Variants in QSOX2 observed in about 807,000 individuals in gnomAD.
The protein encoded by QSOX2 is sulfhydryl oxidase 2.
In QSOX2, 46 loss-of-function variants were observed where a neutral mutation model predicts 61.7. The observed-to-expected ratio is 0.75, with a 90% CI of 0.59 to 0.95. The LOEUF (loss-of-function observed/expected upper bound fraction) is 0.95. Among genes scored for constraint, QSOX2 ranks in the 40% least tolerant of loss-of-function variants. The probability of loss-of-function intolerance (pLI) is 0.00; values close to 1 mark genes in which losing one functional copy is unlikely to be tolerated. For synonymous variants in QSOX2, 383 were observed against 388.4 expected, an observed-to-expected ratio of 0.99 and a Z score of 0.16; for missense variants, 879 against 918.9, an observed-to-expected ratio of 0.96 and a Z score of 0.56.
At position 136,222,465 on chromosome 9, in the gene QSOX2, G is replaced by A. The variant is rs1022611178; in HGVS notation, c.676-524C>T. 4.6e-5 allele frequency among the ~76,000 whole-genome samples: 7 copies of A among 152,190 alleles called. No homozygotes were observed. The highest frequency in any genetic ancestry group is 2.1e-4 in the South Asian group (1 of 4,834). On this transcript the variant is annotated intron_variant, in intron 5 of 11. Transcript: ENST00000358701. The surrounding 1 kb of genome is among the most constrained non-coding windows in gnomAD (Gnocchi z 6.9). ...CTCAGGATTTTGGAAGAAACCCTGC[G>A]TGCGCCACCACCACATCGGGCGTAC... is the stretch of plus-strand genomic sequence containing the variant.
chr9:136,226,909 G>T, intron 1 of QSOX2, 35 bp from the exon 2 acceptor site: 1 of 1,578,656 alleles, frequency 6.3e-7, no homozygotes, highest in Non-Finnish European at 8.7e-7. Context: ...AGTGTGGTGA[G>T]CACTGGACTC....
chr9:136,214,701 AG>A (rs1254343345), intron 10 of QSOX2, among the ~76,000 whole-genome samples: 2 of 152,330 alleles, frequency 1.3e-5, no homozygotes, highest in Non-Finnish European at 2.9e-5. Context: ...GACCCAGATG[AG>A]GCCATGCCCG....
Position 136,216,675 on chromosome 9 carries a change from C to T in QSOX2, c.1134G>A (p.Gln378=). Residue 378 remains glutamine, a synonymous_variant, in exon 9 of 12, where the codon CAG becomes CAA. Transcript: ENST00000358701. ...CCAGGGGAAGGCTGGCCAGCCACTCCTGCAGCATCTCCAACAGCTTCTTGA... is the reference window on the plus strand; with the variant it reads ...CCAGGGGAAGGCTGGCCAGCCACTCTTGCAGCATCTCCAACAGCTTCTTGA... ...PPVKKLLEML[Q]EWLASLPLDR... 1.2e-6 allele frequency: 2 copies of T among 1,613,984 alleles called. No homozygotes were observed. The highest frequency in any genetic ancestry group is 1.7e-6 in the Non-Finnish European group (2 of 1,179,996).
intron 2 of QSOX2, among the ~76,000 whole-genome samples, chr9:136,225,382 C>T (rs937809430): frequency 1.3e-5 from 2 of 152,142 alleles, no homozygotes; most frequent in African/African-American, 2.4e-5. Context: ...GAGACAGCGA[C>T]GAGACAAGGT....
rs900152804 is a variant in QSOX2, at chr9:136,223,263, C to T, written c.675+500G>A. ...GCAATAATGACTCTCCGTGAGCTGC[C>T]CCTGCACCTGGTCCCTGGACCTTAT... On this transcript the variant is annotated intron_variant, in intron 5 of 11. Transcript: ENST00000358701. This position sits in a 1 kb window ranked among gnomAD's most constrained non-coding sequence, Gnocchi z 4.4. Among the ~76,000 whole-genome samples, 4 of 152,148 alleles carry T rather than the reference C, an allele frequency of 2.6e-5. No individual in the cohort carries two copies. Among genetic ancestry groups the T allele is most frequent in the African/African-American group, 9.7e-5 (4 of 41,422 alleles).
chr9:136,227,028 C>G (rs1197565445), intron 1 of QSOX2, among the ~76,000 whole-genome samples, 154 bp from the exon 2 acceptor site: 1 of 152,208 alleles, frequency 6.6e-6, no homozygotes, highest in Non-Finnish European at 1.5e-5. Context: ...CACAGAGCGT[C>G]TATGTGGAGC....
In QSOX2 at chr9:136,223,752, A is replaced by G. The variant is rs759381374; in HGVS notation, c.675+11T>C. ...CACGTGTGACACCTGGAGCCCACGC[A>G]GAGGCCGTACCTCCCGTCCAAGGTA... On this transcript the variant is annotated intron_variant, in intron 5 of 11. Coordinates refer to ENST00000358701, the MANE Select transcript of QSOX2 (RefSeq NM_181701.4). This position sits in a 1 kb window ranked among gnomAD's most constrained non-coding sequence, Gnocchi z 4.4. 9.9e-6 allele frequency: 16 copies of G among 1,612,028 alleles called. No individual in the cohort carries two copies. The highest frequency in any genetic ancestry group is 1.3e-5 in the Non-Finnish European group (15 of 1,178,670).
chr9:136,229,626 G>A (rs1830312721), intron 1 of QSOX2, among the ~76,000 whole-genome samples: 1 of 152,160 alleles, frequency 6.6e-6, no homozygotes, highest in African/African-American at 2.4e-5. Flanking sequence ...CATCAAGCCG[G>A]CCTAGAAACA....
intron 6 of QSOX2, among the ~76,000 whole-genome samples, chr9:136,220,532 C>A (rs1260206335): frequency 6.6e-6 from 1 of 152,156 alleles, no homozygotes. Flanking sequence ...GTGGCTAAAC[C>A]AGCACATGCT....
In QSOX2 at chr9:136,245,568, G is replaced by A; in HGVS notation, c.236C>T (p.Ser79Leu). The A allele has an allele frequency of 6.3e-7, 1 of 1,580,900 alleles. No homozygotes were observed. The highest frequency in any genetic ancestry group is 8.5e-7 in the Non-Finnish European group (1 of 1,172,598). Residue 79 changes from serine to leucine, a missense_variant, in exon 1 of 12, where the codon TCG (serine) becomes TTG (leucine). By Grantham distance (145) the Ser-to-Leu change is moderately radical. Coordinates refer to ENST00000358701, the MANE Select transcript of QSOX2 (RefSeq NM_181701.4). ...GTAGAACTGCACGAGCCACGCGGCC[G>A]AGCTGTTGGCGGTGGCCCCGCGCAC... The part of the protein sequence containing the change: ...GSVRGATANS[S>L]AAWLVQFYSS...
At chr9:136,239,240 G>A (rs1830415663) in intron 1 of QSOX2, among the ~76,000 whole-genome samples, 1 of 152,230 alleles carries the variant, frequency 6.6e-6, no homozygotes, top group South Asian at 2.1e-4. Flanking sequence ...TGGAGTACAG[G>A]AGAGTGATCA....
intron 1 of QSOX2, among the ~76,000 whole-genome samples, chr9:136,241,441 G>C (rs1170260188): frequency 1.3e-5 from 2 of 152,240 alleles, no homozygotes; most frequent in Admixed American, 6.5e-5. Flanking sequence ...CTGCAGCCTA[G>C]TCGAGTAGAC....
chr9:136,216,157 G>A (rs1564290463), intron 9 of QSOX2, among the ~76,000 whole-genome samples: 1 of 152,218 alleles, frequency 6.6e-6, no homozygotes, highest in East Asian at 1.9e-4. Context: ...CTGGACTAAG[G>A]AGGGAATGGC....
intron 8 of QSOX2, 127 bp downstream of exon 8, chr9:136,218,552 C>A: frequency 8.4e-7 from 1 of 1,186,298 alleles, no homozygotes; most frequent in African/African-American, 1.6e-5. Flanking sequence ...TGGGCCTGGG[C>A]GACAAAGCAA....
In QSOX2 at chr9:136,207,356, C is replaced by G. The variant is rs1405754250; in HGVS notation, c.*1372G>C. 2.5e-5 allele frequency: 3 copies of G among 121,030 alleles called. No individual in the cohort carries two copies. Among genetic ancestry groups the G allele is most frequent in the African/African-American group, 9.4e-5 (3 of 31,808 alleles). 7.5% of individuals were successfully genotyped at this position (121,030 alleles called of 1,614,324 possible). A position where few individuals can be genotyped will look rare whatever the true frequency, so the allele number is the denominator to read the frequency against. ...TATCTACAACCGTCAAAGTCTCTCT[C>G]TCTCTCATACACACACACACACACA... On this transcript the variant is annotated 3_prime_UTR_variant, in exon 12 of 12. Coordinates refer to ENST00000358701, the MANE Select transcript of QSOX2 (RefSeq NM_181701.4).
intron 10 of QSOX2, among the ~76,000 whole-genome samples, chr9:136,213,498 C>T (rs1831872951): frequency 6.6e-6 from 1 of 151,832 alleles, no homozygotes; most frequent in Non-Finnish European, 1.5e-5. Flanking sequence ...AAGGTTTCTC[C>T]CCAAAAACAT....
rs1831791053 is a variant in QSOX2, at chr9:136,208,045, T to G, written c.*683A>C. On this transcript the variant is annotated 3_prime_UTR_variant, in exon 12 of 12. Transcript: ENST00000358701. ...AACGCAGCACAGCCACAGAATTCCTTGGCTCCTCCCCTGTTGAAATCCCCA... is the reference window on the plus strand; with the variant it reads ...AACGCAGCACAGCCACAGAATTCCTGGGCTCCTCCCCTGTTGAAATCCCCA... The G allele has an allele frequency of 5.3e-5, 8 of 152,062 alleles. No individual in the cohort carries two copies. The highest frequency in any genetic ancestry group is 4.6e-4 in the Admixed American group (7 of 15,266). The allele number at this position is 152,062 out of a possible 1,614,324, so 9.4% of individuals were successfully genotyped here.
At position 136,211,584 on chromosome 9, in the gene QSOX2, C is replaced by T. The variant is rs1019304796; in HGVS notation, c.1361-132G>A. 2.0e-5 allele frequency: 17 copies of T among 838,316 alleles called. No homozygotes were observed. The Admixed American group carries it at 2.7e-4, about 13-fold the overall frequency. 51.9% of individuals were successfully genotyped at this position (838,316 alleles called of 1,614,324 possible). On this transcript the variant is annotated intron_variant, in intron 10 of 11. Coordinates refer to ENST00000358701, the MANE Select transcript of QSOX2 (RefSeq NM_181701.4). ...CCACCTCATGTCTCCCCAGGGGCCT[C>T]AGGCTGTGGGCACAGACCAGAAGCC...
chr9:136,226,354 C>T (rs1830280603), intron 2 of QSOX2, among the ~76,000 whole-genome samples: 1 of 152,178 alleles, frequency 6.6e-6, no homozygotes. Flanking sequence ...GGCAGAGGCC[C>T]TGTGCCTGTG....
Sources: gnomAD v4.1 joint callset for allele counts (sites outside exome capture counted in the v4.1 genomes callset) on GRCh38, gnomAD v4.1.1 for gene constraint, Gnocchi (gnomAD v3.1) non-coding constraint, MANE v1.5 for transcripts, NCBI Gene and HGNC (gene_info 2026-07-23, HGNC 2026-07-21) for gene names.